The following POFUT3 variants were observed in gnomAD, a reference collection of about 807,000 sequenced individuals.
POFUT3 encodes GDP-fucose protein O-fucosyltransferase 3.
At chr8:33,421,631 A>G in the POFUT3 span, among the ~76,000 whole-genome samples, 4 of 152,200 alleles carry the variant, frequency 2.6e-5, no homozygotes, top group Admixed American at 2.6e-4. Flanking sequence ...AGTACTGTAC[A>G]TGCCTCGAAT....
At chr8:33,387,466 A>G in the POFUT3 span, among the ~76,000 whole-genome samples, 1 of 152,208 alleles carries the variant, frequency 6.6e-6, no homozygotes, top group Non-Finnish European at 1.5e-5. Flanking sequence ...TATAATAACC[A>G]AAGTAAACAT....
the POFUT3 span, among the ~76,000 whole-genome samples, chr8:33,337,397 C>T: frequency 1.3e-5 from 2 of 152,136 alleles, no homozygotes; most frequent in African/African-American, 4.8e-5. Context: ...ATGTAGTAGA[C>T]TGACTAAGGA....
At chr8:33,355,480 T>A in the POFUT3 span, among the ~76,000 whole-genome samples, 2 of 152,110 alleles carry the variant, frequency 1.3e-5, no homozygotes, top group Non-Finnish European at 2.9e-5. Context: ...AAATAATGTT[T>A]TACCAGCTAC....
the POFUT3 span, among the ~76,000 whole-genome samples, chr8:33,334,454 G>A: frequency 6.6e-6 from 1 of 152,166 alleles, no homozygotes; most frequent in African/African-American, 2.4e-5. Context: ...CTGACCTCAA[G>A]TGATCTGCCT....
At chr8:33,443,010 G>GAAATCCC in the POFUT3 span, among the ~76,000 whole-genome samples, 1 of 152,248 alleles carries the variant, frequency 6.6e-6, no homozygotes, top group South Asian at 2.1e-4. Context: ...CTACTCAGGA[G>GAAATCCC]GCTGAGATGG....
the POFUT3 span, among the ~76,000 whole-genome samples, chr8:33,459,179 A>C: frequency 4.6e-5 from 7 of 152,210 alleles, no homozygotes; most frequent in East Asian, 1.2e-3. Context: ...GTCTCTACTA[A>C]AAATACAAAA....
the POFUT3 span, among the ~76,000 whole-genome samples, chr8:33,320,269 C>T: frequency 6.6e-6 from 1 of 151,828 alleles, no homozygotes; most frequent in African/African-American, 2.4e-5. Flanking sequence ...AAGAGTATAA[C>T]CCAACATTGA....
At chr8:33,459,565 C>G in the POFUT3 span, among the ~76,000 whole-genome samples, 5 of 151,420 alleles carry the variant, frequency 3.3e-5, no homozygotes, top group Non-Finnish European at 5.9e-5. Context: ...TTTTTTTGAG[C>G]CTGGGAGGTA....
At chr8:33,385,760 T>C in the POFUT3 span, among the ~76,000 whole-genome samples, 1 of 152,046 alleles carries the variant, frequency 6.6e-6, no homozygotes, top group Non-Finnish European at 1.5e-5. Flanking sequence ...GGCAGGTGCC[T>C]GTAATCCCAG....
At chr8:33,358,076 A>T in the POFUT3 span, among the ~76,000 whole-genome samples, 4 of 152,048 alleles carry the variant, frequency 2.6e-5, no homozygotes, top group Non-Finnish European at 5.9e-5. Flanking sequence ...GCAAAACCTC[A>T]TCTCTCTATA....
At chr8:33,465,405 T>TATAC in the POFUT3 span, among the ~76,000 whole-genome samples, 7,539 of 139,560 alleles carry the variant, frequency 0.054, 374 homozygotes, top group African/African-American at 0.12. Context: ...TATATATATA[T>TATAC]ACACACATAC....
At chr8:33,339,583 C>T in the POFUT3 span, among the ~76,000 whole-genome samples, 1 of 152,068 alleles carries the variant, frequency 6.6e-6, no homozygotes, top group African/African-American at 2.4e-5. Flanking sequence ...TCAAGATGAC[C>T]AAACAAGTTA....
chr8:33,321,989 C>G, the POFUT3 span, among the ~76,000 whole-genome samples: 8 of 152,048 alleles, frequency 5.3e-5, no homozygotes, highest in South Asian at 1.7e-3. Context: ...ATATGTCTGG[C>G]TCACCACTGC....
the POFUT3 span, among the ~76,000 whole-genome samples, chr8:33,471,904 T>C: frequency 1.3e-5 from 2 of 152,188 alleles, no homozygotes; most frequent in Non-Finnish European, 2.9e-5. Context: ...CGCCTCTGGC[T>C]TCTCCTTACT....
chr8:33,343,616 A>T, the POFUT3 span, among the ~76,000 whole-genome samples: 2 of 152,204 alleles, frequency 1.3e-5, no homozygotes, highest in East Asian at 3.9e-4. Context: ...TTACTATCTC[A>T]CTTGTCCATC....
the POFUT3 span, among the ~76,000 whole-genome samples, chr8:33,468,390 G>T: frequency 6.6e-6 from 1 of 151,056 alleles, no homozygotes; most frequent in Admixed American, 6.6e-5. Context: ...CTGGTAATTG[G>T]GGAGTCAACT....
the POFUT3 span, chr8:33,455,683 CTA>C: frequency 2.6e-6 from 1 of 380,518 alleles, no homozygotes; most frequent in Admixed American, 3.2e-5. Context: ...ATTTACATTT[CTA>C]TGTGTTAACT....
At chr8:33,350,879 G>A in the POFUT3 span, among the ~76,000 whole-genome samples, 1 of 152,152 alleles carries the variant, frequency 6.6e-6, no homozygotes, top group Non-Finnish European at 1.5e-5. Context: ...TGTTAATTGT[G>A]GTGGTATAAA....
the POFUT3 span, chr8:33,394,272 AG>A: frequency 5.6e-6 from 1 of 178,628 alleles, no homozygotes; most frequent in South Asian, 9.4e-5. Context: ...TGAGGTAAAA[AG>A]GGGGAAAGAG....
Sources: gnomAD v4.1 joint callset for allele counts (sites outside exome capture counted in the v4.1 genomes callset) on GRCh38, gnomAD v4.1.1 for gene constraint, MANE v1.5 for transcripts, NCBI Gene and HGNC (gene_info 2026-07-23, HGNC 2026-07-21) for gene names.